DLGAP2: variants seen among roughly 807,000 people sequenced by gnomAD.
DLGAP2 encodes disks large-associated protein 2.
A neutral mutation model predicts 100.3 loss-of-function variants in DLGAP2; 26 were observed. That is an observed-to-expected ratio of 0.26 (90% CI 0.19 to 0.36). The LOEUF (loss-of-function observed/expected upper bound fraction) is 0.36. Ranked by LOEUF, DLGAP2 falls within the 10% of genes least tolerant of loss-of-function variation. The pLI is 1.00. For synonymous variants in DLGAP2, 886 were observed against 630.1 expected (o/e 1.41, Z -6.08); for missense variants, 1,858 against 1,453.2 (o/e 1.28, Z -4.53).
chr8:1,447,728 G>A (rs1483374705), intron 3 of DLGAP2, among the ~76,000 whole-genome samples: 4 of 152,226 alleles, frequency 2.6e-5, no homozygotes, highest in Non-Finnish European at 5.9e-5. Flanking sequence ...GACTTTTTTT[G>A]GTTGGTAAGC....
intron 3 of DLGAP2, among the ~76,000 whole-genome samples, chr8:1,363,709 G>T (rs1802038195): frequency 6.6e-6 from 1 of 152,204 alleles, no homozygotes; most frequent in Non-Finnish European, 1.5e-5. Flanking sequence ...TGGAGAGAAG[G>T]AAAGAGAACC....
intron 12 of DLGAP2, among the ~76,000 whole-genome samples, chr8:1,684,406 C>T (rs1217361065): frequency 6.6e-6 from 1 of 151,868 alleles, no homozygotes. Context: ...ATTTCCAGTC[C>T]TAATTTTAGG....
intron 3 of DLGAP2, among the ~76,000 whole-genome samples, chr8:1,493,445 G>A (rs550356598): frequency 9.2e-5 from 14 of 152,124 alleles, no homozygotes; most frequent in South Asian, 2.1e-4. Context: ...TTTCAGACAC[G>A]CCTCTGCGAG....
At chr8:1,422,071 G>A (rs530316736) in intron 3 of DLGAP2, among the ~76,000 whole-genome samples, 61 of 152,300 alleles carry the variant, frequency 4.0e-4, no homozygotes, top group African/African-American at 1.3e-3. Flanking sequence ...CACCGAGGGC[G>A]AGGCTGCGTT....
At chr8:1,264,829 G>T (rs908693752) in intron 3 of DLGAP2, among the ~76,000 whole-genome samples, 9 of 152,296 alleles carry the variant, frequency 5.9e-5, no homozygotes, top group African/African-American at 2.2e-4. Flanking sequence ...CCATGGGAGG[G>T]ACCCAGTGGG....
At chr8:1,055,048 G>C (rs1210656607) in intron 2 of DLGAP2, among the ~76,000 whole-genome samples, 1 of 152,210 alleles carries the variant, frequency 6.6e-6, no homozygotes, top group Non-Finnish European at 1.5e-5. Flanking sequence ...ACAGTTCCAT[G>C]TTACGACGCA....
chr8:1,601,944 G>GA (rs1563249561), intron 6 of DLGAP2, among the ~76,000 whole-genome samples: 1 of 114,488 alleles, frequency 8.7e-6, no homozygotes, highest in African/African-American at 3.5e-5. Flanking sequence ...TAATTTAACA[G>GA]GGTGTGTGTG....
At chr8:1,310,125 G>C (rs1417797084) in intron 3 of DLGAP2, among the ~76,000 whole-genome samples, 3 of 150,944 alleles carry the variant, frequency 2.0e-5, no homozygotes, top group Non-Finnish European at 2.9e-5. Context: ...TATAAATCTA[G>C]GGTTCTATGT....
At chr8:897,629 C>T (rs1798168719) in intron 1 of DLGAP2, among the ~76,000 whole-genome samples, 1 of 152,204 alleles carries the variant, frequency 6.6e-6, no homozygotes, top group South Asian at 2.1e-4. Context: ...CCCGGCACCC[C>T]CTGCATCTTC....
At position 1,293,812 on chromosome 8, in the gene DLGAP2, G is replaced by A. The variant is rs533643631; in HGVS notation, c.106+34929G>A. Among the ~76,000 whole-genome samples the A allele has an allele frequency of 4.7e-5, 7 of 150,408 alleles. No individual in the cohort carries two copies. The East Asian group carries it at 1.0e-3, about 22-fold the overall frequency. On this transcript the variant is annotated intron_variant, in intron 3 of 14. Coordinates refer to ENST00000637795, the MANE Select transcript of DLGAP2 (RefSeq NM_001346810.2). The stretch of plus-strand genomic sequence containing the variant: ...ACTTATTAAACATTTTCTTTTTATT[G>A]GATATTGTTAGTATTTCTTTCTATC...
At chr8:1,630,670 C>T (rs990546325) in intron 7 of DLGAP2, among the ~76,000 whole-genome samples, 4 of 151,882 alleles carry the variant, frequency 2.6e-5, no homozygotes, top group African/African-American at 9.7e-5. Flanking sequence ...CCACTGCACT[C>T]CAGCCTGGGC....
At chr8:1,357,114 T>C (rs545370696) in intron 3 of DLGAP2, among the ~76,000 whole-genome samples, 24 of 151,808 alleles carry the variant, frequency 1.6e-4, no homozygotes, top group Middle Eastern at 6.8e-3. Context: ...CCAAAACTAA[T>C]ATACAGTGTC....
chr8:1,453,102 G>A (rs1798207823), intron 3 of DLGAP2, among the ~76,000 whole-genome samples: 1 of 152,092 alleles, frequency 6.6e-6, no homozygotes, highest in South Asian at 2.1e-4. Flanking sequence ...CCTTGTAGAG[G>A]AGACTGCTCG....
intron 8 of DLGAP2, among the ~76,000 whole-genome samples, chr8:1,638,806 C>CCGTAATGATGGCTCCATTTAGGGA (rs1797830054): frequency 6.6e-6 from 1 of 152,188 alleles, no homozygotes; most frequent in Admixed American, 6.5e-5. Flanking sequence ...GGAGGAGAGG[C>CCGTAATGATGGCTCCATTTAGGGA]CGTAATGATG....
At chr8:1,377,147 C>G (rs1256277251) in intron 3 of DLGAP2, among the ~76,000 whole-genome samples, 3 of 152,210 alleles carry the variant, frequency 2.0e-5, no homozygotes, top group Non-Finnish European at 4.4e-5. Context: ...GGGGCCCAGC[C>G]CCACAGCACC....
chr8:1,540,668 C>T (rs532087164), intron 4 of DLGAP2, among the ~76,000 whole-genome samples: 1 of 152,356 alleles, frequency 6.6e-6, no homozygotes, highest in South Asian at 2.1e-4. Flanking sequence ...TGGACGCATG[C>T]TGGTGTCTTA....
intron 8 of DLGAP2, among the ~76,000 whole-genome samples, chr8:1,646,261 C>T (rs866620604): frequency 4.6e-5 from 7 of 152,256 alleles, no homozygotes; most frequent in Middle Eastern, 3.4e-3. Context: ...GCGACTTGCA[C>T]CATGAGCCCG....
chr8:828,703 A>G (rs1796727657), intron 1 of DLGAP2, among the ~76,000 whole-genome samples: 2 of 152,230 alleles, frequency 1.3e-5, no homozygotes, highest in African/African-American at 4.8e-5. Flanking sequence ...GGGAAGTGAT[A>G]AGTGTCCATG....
intron 6 of DLGAP2, among the ~76,000 whole-genome samples, chr8:1,570,252 A>T (rs1802600007): frequency 6.6e-6 from 1 of 152,252 alleles, no homozygotes; most frequent in African/African-American, 2.4e-5. Flanking sequence ...GGTCATGTTA[A>T]CTGTGCTGGG....
Sources: gnomAD v4.1 joint callset for allele counts (sites outside exome capture counted in the v4.1 genomes callset) on GRCh38, gnomAD v4.1.1 for gene constraint, MANE v1.5 for transcripts, NCBI Gene and HGNC (gene_info 2026-07-23, HGNC 2026-07-21) for gene names.